Variants in HERC3 observed in about 807,000 individuals in gnomAD.
HERC3 encodes HECT and RLD domain containing E3 ubiquitin protein ligase 3, also known as probable E3 ubiquitin-protein ligase HERC3.
Under a neutral mutation model 129.9 loss-of-function variants are expected in HERC3, and 58 were observed. The observed-to-expected ratio is 0.45, with a 90% CI of 0.36 to 0.56. The LOEUF (loss-of-function observed/expected upper bound fraction) is 0.56, where lower values mean the gene tolerates loss of function less well. Ranked by LOEUF, HERC3 falls within the 20% of genes least tolerant of loss-of-function variation. The pLI, the probability that HERC3 is intolerant of heterozygous loss-of-function variation, is 0.00. For missense variants in HERC3, 835 were observed against 1,244.2 expected (o/e 0.67, Z 4.95); for synonymous variants, 430 against 451.0 (o/e 0.95, Z 0.59).
chr4:88,582,762 C>T, the HERC3 span, among the ~76,000 whole-genome samples: 12 of 152,198 alleles, frequency 7.9e-5, no homozygotes, highest in Non-Finnish European at 1.3e-4. Context: ...TGCCCCTCTC[C>T]TTCCTGTAAC....
intron 3 of HERC3, among the ~76,000 whole-genome samples, chr4:88,632,769 G>A (rs553731108): frequency 6.6e-6 from 1 of 152,292 alleles, no homozygotes; most frequent in Admixed American, 6.5e-5. Flanking sequence ...AGGGACCTGT[G>A]GAATGAGAAC....
Position 88,652,856 on chromosome 4 carries a change from C to G in HERC3, c.464-13C>G. Reference sequence around the variant, plus strand: ...ATCATTTTATGGTAATACCAGTTATCCTGTTATTTCAGATGGCCAGTTCTT... The same window carrying G: ...ATCATTTTATGGTAATACCAGTTATGCTGTTATTTCAGATGGCCAGTTCTT... On this transcript the variant is annotated splice_polypyrimidine_tract_variant and intron_variant, in intron 5 of 25. Coordinates refer to ENST00000402738, the MANE Select transcript of HERC3 (RefSeq NM_014606.3). 1 of 1,596,834 alleles carries G rather than the reference C, an allele frequency of 6.3e-7. No homozygotes were observed. Among genetic ancestry groups the G allele is most frequent in the South Asian group, 1.1e-5 (1 of 90,592 alleles).
chr4:88,569,845 A>G, the HERC3 span, among the ~76,000 whole-genome samples: 1 of 152,200 alleles, frequency 6.6e-6, no homozygotes, highest in East Asian at 1.9e-4. Flanking sequence ...TCCTGCTCAC[A>G]TAGGGCTGCA....
At position 88,676,334 on chromosome 4, in the gene HERC3, G is replaced by C; in HGVS notation, c.1936G>C (p.Asp646His). 1 of 1,608,972 alleles carries C rather than the reference G, an allele frequency of 6.2e-7. No homozygotes were observed. The highest frequency in any genetic ancestry group is 8.5e-7 in the Non-Finnish European group (1 of 1,175,578). Residue 646 changes from aspartate (D) to histidine (H), a missense_variant and splice_region_variant, in exon 18 of 26, where the codon GAT becomes CAT. Asp to His is a moderately conservative substitution (Grantham distance 81, BLOSUM62 -1). Transcript: ENST00000402738. Reference sequence around the variant, plus strand: ...CTGTCAATAATGTGCTTTATTCTAGGATACTGTAACACTTTGTTCCTACCC... The same window carrying C: ...CTGTCAATAATGTGCTTTATTCTAGCATACTGTAACACTTTGTTCCTACCC... Reference protein sequence around the residue: ...GMKARPSIIQDTVTLCSYPFI... With the variant: ...GMKARPSIIQHTVTLCSYPFI...
In HERC3 at chr4:88,617,141, G is replaced by A. The variant is rs1229399183; in HGVS notation, c.226+11092G>A. On this transcript the variant is annotated intron_variant, in intron 3 of 25. Transcript: ENST00000402738. ...TAGGCCCAGCTTCCCAGGAGTTTGA[G>A]GCCAGCCTGTGCAATATAGTAAGAC... is the stretch of plus-strand genomic sequence containing the variant. 4.9e-5 allele frequency among the ~76,000 whole-genome samples: 7 copies of A among 142,802 alleles called. No homozygotes were observed. The East Asian group carries it at 1.2e-3, about 25-fold the overall frequency. The allele number at this position is 142,802 out of a possible 152,430, so 93.7% of individuals were successfully genotyped here.
At chr4:88,584,818 T>C in the HERC3 span, among the ~76,000 whole-genome samples, 1 of 152,230 alleles carries the variant, frequency 6.6e-6, no homozygotes, top group Non-Finnish European at 1.5e-5. Context: ...TATTCTAGTA[T>C]AGCAGCACAA....
At chr4:88,578,424 A>T in the HERC3 span, among the ~76,000 whole-genome samples, 1 of 152,066 alleles carries the variant, frequency 6.6e-6, no homozygotes, top group Non-Finnish European at 1.5e-5. Flanking sequence ...TCTACTAAAA[A>T]TACAAAAATT....
intron 2 of HERC3, among the ~76,000 whole-genome samples, chr4:88,603,974 A>G (rs930238930): frequency 4.6e-5 from 7 of 152,220 alleles, no homozygotes; most frequent in South Asian, 2.1e-4. Flanking sequence ...AAATTTAAAG[A>G]CAATTAAAAA....
chr4:88,669,462 T>C (rs1731388387), intron 14 of HERC3, among the ~76,000 whole-genome samples: 1 of 152,164 alleles, frequency 6.6e-6, no homozygotes, highest in Non-Finnish European at 1.5e-5. Context: ...GGGTATGTGG[T>C]GCGTCATCCT....
At chr4:88,649,444 G>A (rs76965095) in intron 3 of HERC3, among the ~76,000 whole-genome samples, 21,888 of 151,980 alleles carry the variant, frequency 0.14, 1,727 homozygotes, top group East Asian at 0.2. Flanking sequence ...ATTGTTCCAG[G>A]CAGAGTTTCA....
the HERC3 span, among the ~76,000 whole-genome samples, chr4:88,572,225 A>T: frequency 6.6e-6 from 1 of 151,720 alleles, no homozygotes; most frequent in Non-Finnish European, 1.5e-5. Context: ...GGAGTTGAAG[A>T]CCAGCCCAGA....
chr4:88,592,235 C>A (rs1319388396), upstream of HERC3, among the ~76,000 whole-genome samples: 3 of 152,246 alleles, frequency 2.0e-5, no homozygotes, highest in Non-Finnish European at 4.4e-5. Flanking sequence ...CCGATTTCGG[C>A]TGACACACCC....
chr4:88,568,727 T>C, the HERC3 span, among the ~76,000 whole-genome samples: 1 of 151,888 alleles, frequency 6.6e-6, no homozygotes, highest in Non-Finnish European at 1.5e-5. Flanking sequence ...GGGTTGTCTT[T>C]TGGCCCAGAG....
rs750027292 is a variant in HERC3, at chr4:88,676,245, A to C, written c.1935+4A>C. 1 of 1,570,928 alleles carries C rather than the reference A, an allele frequency of 6.4e-7. No individual in the cohort carries two copies. Among genetic ancestry groups the C allele is most frequent in the South Asian group, 1.1e-5 (1 of 89,978 alleles). On this transcript the variant is annotated splice_donor_region_variant and intron_variant, in intron 17 of 25. Coordinates refer to ENST00000402738, the MANE Select transcript of HERC3 (RefSeq NM_014606.3). ...GGCTAGACCATCAATAATACAGGTA[A>C]ATGATCCTTTTTAAATTTGCTTTTA...
In HERC3 at chr4:88,655,894, G is replaced by T; in HGVS notation, c.928G>T (p.Val310Leu). The change falls in exon 9 of 26, where the codon GTG (valine) becomes TTG (leucine). Residue 310 changes from valine (V) to leucine (L), a missense_variant. Physicochemically the swap from Val to Leu is conservative, Grantham distance 32 (BLOSUM62 1). Transcript: ENST00000402738. Reference sequence around the variant, plus strand: ...TCACAGACAACATACCCTAGCCTTCGTGCCTTCTTCTGGACTCATCTATGC... The same window carrying T: ...TCACAGACAACATACCCTAGCCTTCTTGCCTTCTTCTGGACTCATCTATGC... The part of the protein sequence containing the change: ...ACGRQHTLAF[V>L]PSSGLIYAFG... The T allele has an allele frequency of 6.2e-7, 1 of 1,612,814 alleles. No individual in the cohort carries two copies. The highest frequency in any genetic ancestry group is 8.5e-7 in the Non-Finnish European group (1 of 1,179,096).
intron 3 of HERC3, among the ~76,000 whole-genome samples, chr4:88,639,831 C>G (rs767591313): frequency 6.6e-6 from 1 of 151,952 alleles, no homozygotes; most frequent in Non-Finnish European, 1.5e-5. Context: ...TGCACTCTAC[C>G]CATCTGACAA....
chr4:88,586,420 G>A, the HERC3 span, among the ~76,000 whole-genome samples: 11 of 148,484 alleles, frequency 7.4e-5, no homozygotes, highest in African/African-American at 2.5e-4. Context: ...GTGTAATGGC[G>A]TGATCTCAGC....
chr4:88,627,837 G>T (rs938409484), intron 3 of HERC3, among the ~76,000 whole-genome samples: 2 of 147,960 alleles, frequency 1.4e-5, no homozygotes, highest in African/African-American at 2.5e-5. Context: ...CTGGGAGGCA[G>T]AGGTTGCAGT....
rs71951618 is a variant in HERC3 at position 88,666,072 on chromosome 4, AAAGTC to A, written c.1332-1302_1332-1298del. On this transcript the variant is annotated intron_variant, in intron 12 of 25. Transcript: ENST00000402738. The stretch of plus-strand genomic sequence containing the variant: ...CCCAGCAAAGAATCCTCTGGTCCCA[AAAGTC>A]AATAGTACCAAGGTTGAGAAACCCC... Among the ~76,000 whole-genome samples the A allele has an allele frequency of 5.3e-4, 80 of 152,336 alleles. 1 individual carries two copies. In the East Asian group the frequency reaches 0.014, roughly 28 times the overall value.
Sources: gnomAD v4.1 joint callset for allele counts (sites outside exome capture counted in the v4.1 genomes callset) on GRCh38, gnomAD v4.1.1 for gene constraint, MANE v1.5 for transcripts, NCBI Gene and HGNC (gene_info 2026-07-23, HGNC 2026-07-21) for gene names.